Variants in SPOCK3 observed in about 807,000 individuals in gnomAD.
SPOCK3 encodes the protein testican-3.
In SPOCK3, 30 loss-of-function variants were observed where a neutral mutation model predicts 56.6. The ratio of observed to expected loss-of-function variants is 0.53; its 90% CI spans 0.40 to 0.72. The LOEUF is 0.72. SPOCK3 is among the 30% of genes least tolerant of loss of function. The probability of loss-of-function intolerance (pLI) is 0.00; values close to 1 mark genes in which losing one functional copy is unlikely to be tolerated. For synonymous variants in SPOCK3, 196 were observed against 183.3 expected (o/e 1.07, Z -0.56); for missense variants, 527 against 530.0 (o/e 0.99, Z 0.06).
chr4:167,058,878 C>A lies in SPOCK3; in HGVS notation c.235+3614G>T, dbSNP rs546446901. Among the ~76,000 whole-genome samples, 4 of 152,252 alleles carry A rather than the reference C, an allele frequency of 2.6e-5. No homozygotes were observed. In the South Asian group the frequency reaches 8.3e-4, roughly 32 times the overall value. ...TACAACTACCTGGTCTTTGACAAAC[C>A]TGAGAAAAACAAGCAATGGGGAAAG... On this transcript the variant is annotated intron_variant, in intron 3 of 10. Coordinates refer to ENST00000357545, the MANE Select transcript of SPOCK3 (RefSeq NM_001040159.2).
intron 2 of SPOCK3, among the ~76,000 whole-genome samples, chr4:167,124,725 T>C (rs768436899): frequency 3.9e-5 from 6 of 152,232 alleles, no homozygotes; most frequent in African/African-American, 1.2e-4. Flanking sequence ...AATTGAATTA[T>C]GTCATCAGAT....
intron 3 of SPOCK3, among the ~76,000 whole-genome samples, chr4:167,031,904 C>T (rs1752312308): frequency 6.6e-6 from 1 of 151,980 alleles, no homozygotes; most frequent in South Asian, 2.1e-4. Flanking sequence ...GGACCACGTA[C>T]AGGGGTAGCA....
chr4:166,904,428 G>C (rs978716349), intron 5 of SPOCK3, among the ~76,000 whole-genome samples: 1 of 151,974 alleles, frequency 6.6e-6, no homozygotes, highest in Non-Finnish European at 1.5e-5. Flanking sequence ...TGAGTTGGGT[G>C]CCTCTGACAA....
At chr4:166,855,871 C>T (rs566483814) in intron 6 of SPOCK3, among the ~76,000 whole-genome samples, 1 of 152,226 alleles carries the variant, frequency 6.6e-6, no homozygotes, top group South Asian at 2.1e-4. Context: ...ATCTGGGGAA[C>T]ACATTTTGAC....
At chr4:167,002,227 G>A (rs1424682585) in intron 3 of SPOCK3, among the ~76,000 whole-genome samples, 2 of 151,998 alleles carry the variant, frequency 1.3e-5, no homozygotes, top group African/African-American at 4.8e-5. Context: ...CCAAGGTGCT[G>A]GGATTACAAT....
intron 6 of SPOCK3, among the ~76,000 whole-genome samples, chr4:166,808,300 T>C (rs1743391073): frequency 6.6e-6 from 1 of 152,100 alleles, no homozygotes; most frequent in Non-Finnish European, 1.5e-5. Context: ...ACTAAATTAT[T>C]TCTCTCCCAA....
chr4:166,786,196 G>C (rs1203903161), intron 7 of SPOCK3, among the ~76,000 whole-genome samples: 1 of 152,140 alleles, frequency 6.6e-6, no homozygotes, highest in Non-Finnish European at 1.5e-5. Context: ...GAGCCATACA[G>C]ATACCTGGGG....
At chr4:167,208,777 A>C (rs1734591870) in intron 2 of SPOCK3, among the ~76,000 whole-genome samples, 1 of 152,116 alleles carries the variant, frequency 6.6e-6, no homozygotes, top group African/African-American at 2.4e-5. Context: ...ATCTGTGAAA[A>C]GGAATAGTGA....
chr4:167,036,648 G>T (rs1199977254), intron 3 of SPOCK3, among the ~76,000 whole-genome samples: 1 of 151,790 alleles, frequency 6.6e-6, no homozygotes, highest in Non-Finnish European at 1.5e-5. Context: ...TAAATTCTAT[G>T]TTTTTTTACT....
intron 4 of SPOCK3, among the ~76,000 whole-genome samples, chr4:166,958,778 C>T (rs1252012259): frequency 1.3e-5 from 2 of 152,244 alleles, no homozygotes; most frequent in South Asian, 4.1e-4. Context: ...TCTACTAGAA[C>T]CTAAGGTCTG....
At chr4:167,058,594 C>T in intron 3 of SPOCK3, among the ~76,000 whole-genome samples, 3 of 151,804 alleles carry the variant, frequency 2.0e-5, no homozygotes, top group African/African-American at 7.3e-5. Flanking sequence ...TTTATAGATT[C>T]AATGCCATCC....
intron 2 of SPOCK3, among the ~76,000 whole-genome samples, chr4:167,224,626 T>C (rs867025955): frequency 6.6e-6 from 1 of 152,162 alleles, no homozygotes; most frequent in Non-Finnish European, 1.5e-5. Context: ...AAAAAAGATA[T>C]ATAATACAGA....
chr4:167,109,301 A>C (rs1350990840), intron 2 of SPOCK3, among the ~76,000 whole-genome samples: 1 of 89,368 alleles, frequency 1.1e-5, no homozygotes, highest in Non-Finnish European at 1.9e-5. Context: ...TATAAATAAT[A>C]ATTATTAATA....
intron 4 of SPOCK3, among the ~76,000 whole-genome samples, chr4:166,953,078 A>G (rs1742891700): frequency 1.3e-5 from 2 of 151,958 alleles, no homozygotes; most frequent in Non-Finnish European, 2.9e-5. Flanking sequence ...GCCAAAATTG[A>G]CAAATGGGAT....
chr4:167,192,262 T>C (rs1008881676), intron 2 of SPOCK3, among the ~76,000 whole-genome samples: 1 of 146,084 alleles, frequency 6.8e-6, no homozygotes, highest in African/African-American at 2.6e-5. Flanking sequence ...TTTCCTCTTC[T>C]GGCTTTGGTA....
chr4:166,817,037 G>T (rs758271298), intron 6 of SPOCK3, among the ~76,000 whole-genome samples: 3 of 151,980 alleles, frequency 2.0e-5, no homozygotes, highest in Non-Finnish European at 4.4e-5. Flanking sequence ...ATGAATATTG[G>T]CAGAAGGCCC....
chr4:167,066,916 G>A lies in SPOCK3; in HGVS notation c.190-4379C>T, dbSNP rs555660182. 3.3e-5 allele frequency among the ~76,000 whole-genome samples: 5 copies of A among 151,926 alleles called. 1 individual carries two copies. Among genetic ancestry groups the A allele is most frequent in the South Asian group, 4.1e-4 (2 of 4,822 alleles). On this transcript the variant is annotated intron_variant, in intron 2 of 10. Coordinates refer to ENST00000357545, the MANE Select transcript of SPOCK3 (RefSeq NM_001040159.2). Reference sequence around the variant, plus strand: ...AGGCTTTGTACAGGTGAGGTGGGTCGGAAGGATAAGCTTACACGGAAAGGT... The same window carrying A: ...AGGCTTTGTACAGGTGAGGTGGGTCAGAAGGATAAGCTTACACGGAAAGGT...
At chr4:167,010,184 C>T (rs1457302804) in intron 3 of SPOCK3, among the ~76,000 whole-genome samples, 1 of 152,078 alleles carries the variant, frequency 6.6e-6, no homozygotes, top group Non-Finnish European at 1.5e-5. Context: ...CATGGCAAAA[C>T]ATGTGAAATC....
intron 3 of SPOCK3, among the ~76,000 whole-genome samples, chr4:167,057,829 A>T (rs1755072927): frequency 1.3e-5 from 2 of 152,270 alleles, no homozygotes; most frequent in Non-Finnish European, 1.5e-5. Flanking sequence ...CTCCCACACA[A>T]TAATAATGGG....
Sources: allele counts gnomAD v4.1 joint callset (sites outside exome capture counted in the v4.1 genomes callset), GRCh38; gene constraint gnomAD v4.1.1; transcripts MANE v1.5; gene names NCBI Gene and HGNC (gene_info 2026-07-23, HGNC 2026-07-21).